FGGY: variants seen among roughly 807,000 people sequenced by gnomAD.
FGGY encodes FGGY carbohydrate kinase domain containing, also known as FGGY carbohydrate kinase domain-containing protein.
In FGGY, 72 loss-of-function variants were observed where a neutral mutation model predicts 71.3. The ratio of observed to expected loss-of-function variants is 1.01; its 90% CI spans 0.84 to 1.23. The LOEUF (loss-of-function observed/expected upper bound fraction) is 1.23, where lower values mean the gene tolerates loss of function less well. FGGY is among the 50% of genes most tolerant of loss of function. FGGY has a pLI of 0.00. For synonymous variants in FGGY, 251 were observed against 250.3 expected, an observed-to-expected ratio of 1.00 and a Z score of -0.02; for missense variants, 668 against 682.3, an observed-to-expected ratio of 0.98 and a Z score of 0.23.
intron 15 of FGGY, among the ~76,000 whole-genome samples, chr1:59,760,298 T>C (rs982037361): frequency 2.6e-5 from 4 of 152,134 alleles, no homozygotes; most frequent in Non-Finnish European, 5.9e-5. Flanking sequence ...AAACAACAAA[T>C]GTTGGCAAGG....
rs773189299 is a variant in FGGY at position 59,402,498 on chromosome 1, G to A, written c.554+23661G>A. ...CTGACATCATCTTGCCTGTTGCATA[G>A]TAGACATTTGGTAAAGATTTGTTGA... On this transcript the variant is annotated intron_variant, in intron 5 of 15. Coordinates refer to ENST00000303721, the MANE Select transcript of FGGY (RefSeq NM_018291.5). Among the ~76,000 whole-genome samples the A allele has an allele frequency of 3.3e-5, 5 of 152,184 alleles. No individual in the cohort carries two copies. The South Asian group carries it at 1.0e-3, about 31-fold the overall frequency.
intron 4 of FGGY, among the ~76,000 whole-genome samples, chr1:59,369,687 A>G (rs939437547): frequency 6.6e-6 from 1 of 152,194 alleles, no homozygotes; most frequent in African/African-American, 2.4e-5. Flanking sequence ...CTGACACCTC[A>G]CACGGCCGGA....
At chr1:59,411,121 A>G (rs932649584) in intron 5 of FGGY, among the ~76,000 whole-genome samples, 3 of 152,208 alleles carry the variant, frequency 2.0e-5, no homozygotes, top group African/African-American at 7.2e-5. Context: ...ATCACACAAT[A>G]CATTTACTAG....
chr1:59,667,925 T>C (rs1000660748), intron 13 of FGGY, among the ~76,000 whole-genome samples: 7 of 152,216 alleles, frequency 4.6e-5, no homozygotes, highest in African/African-American at 1.7e-4. Flanking sequence ...GCTCAGGGCG[T>C]GTGGTCTGGA....
chr1:59,481,058 T>C (rs754307625), intron 6 of FGGY, among the ~76,000 whole-genome samples: 2 of 125,106 alleles, frequency 1.6e-5, no homozygotes, highest in Admixed American at 8.4e-5. Flanking sequence ...GTACATTATA[T>C]ACAATTTATA....
At chr1:59,567,506 T>C (rs773639358) in intron 8 of FGGY, among the ~76,000 whole-genome samples, 1 of 152,062 alleles carries the variant, frequency 6.6e-6, no homozygotes, top group African/African-American at 2.4e-5. Flanking sequence ...GCTACCCAGG[T>C]ACTATTTGAC....
chr1:59,375,818 C>G (rs1571259341), intron 4 of FGGY, among the ~76,000 whole-genome samples: 1 of 150,858 alleles, frequency 6.6e-6, no homozygotes, highest in Non-Finnish European at 1.5e-5. Context: ...GGCTGTGTGG[C>G]TACAGGCTAA....
intron 5 of FGGY, among the ~76,000 whole-genome samples, chr1:59,412,187 C>T (rs759304558): frequency 6.6e-6 from 1 of 152,274 alleles, no homozygotes; most frequent in South Asian, 2.1e-4. Context: ...AGTACCTCAC[C>T]TCATGCTGCA....
intron 4 of FGGY, among the ~76,000 whole-genome samples, chr1:59,348,193 G>C (rs1557630948): frequency 1.3e-5 from 2 of 152,210 alleles, no homozygotes. Flanking sequence ...TTGGAGTTCA[G>C]AGAGGTTAAT....
chr1:59,536,616 A>G (rs913991655), intron 7 of FGGY, among the ~76,000 whole-genome samples: 2 of 152,174 alleles, frequency 1.3e-5, no homozygotes, highest in Non-Finnish European at 2.9e-5. Flanking sequence ...CAGCACATCA[A>G]AAAGCTTATC....
At chr1:59,590,522 T>C (rs1485658696) in intron 8 of FGGY, among the ~76,000 whole-genome samples, 2 of 152,068 alleles carry the variant, frequency 1.3e-5, no homozygotes, top group Non-Finnish European at 2.9e-5. Context: ...TGATGAACAT[T>C]GATGCAAAAA....
intron 6 of FGGY, among the ~76,000 whole-genome samples, chr1:59,473,858 G>T (rs1345900910): frequency 6.6e-6 from 1 of 152,202 alleles, no homozygotes; most frequent in Non-Finnish European, 1.5e-5. Flanking sequence ...AGCTGTTTGT[G>T]TGTCGGGGCA....
At chr1:59,620,791 T>TG (rs2096799129) in intron 9 of FGGY, among the ~76,000 whole-genome samples, 1 of 152,098 alleles carries the variant, frequency 6.6e-6, no homozygotes, top group Non-Finnish European at 1.5e-5. Context: ...CCTTCAACTG[T>TG]GTAGTTCTAC....
At chr1:59,320,897 T>C (rs2046266299) in intron 1 of FGGY, among the ~76,000 whole-genome samples, 1 of 152,224 alleles carries the variant, frequency 6.6e-6, no homozygotes, top group African/African-American at 2.4e-5. Context: ...GTGTAGTGTG[T>C]ATCATTATAA....
At chr1:59,462,491 C>T (rs1372444576) in intron 6 of FGGY, among the ~76,000 whole-genome samples, 1 of 152,048 alleles carries the variant, frequency 6.6e-6, no homozygotes, top group South Asian at 2.1e-4. Context: ...TTCTGGACAG[C>T]AAAAGAAACT....
At chr1:59,607,671 A>G in intron 8 of FGGY, 132 bp from the exon 9 acceptor site, 1 of 600,156 alleles carries the variant, frequency 1.7e-6, no homozygotes, top group Non-Finnish European at 2.9e-6. Context: ...TTCTTGGGAG[A>G]GAGTGACTTC....
At chr1:59,347,570 T>C (rs144610478) in intron 4 of FGGY, among the ~76,000 whole-genome samples, 3,710 of 152,272 alleles carry the variant, frequency 0.024, 172 homozygotes, top group African/African-American at 0.085. Flanking sequence ...CATGTGCATG[T>C]GTCTTTATAG....
chr1:59,396,577 A>G (rs2061351044), intron 5 of FGGY, among the ~76,000 whole-genome samples: 2 of 152,108 alleles, frequency 1.3e-5, no homozygotes, highest in African/African-American at 2.4e-5. Flanking sequence ...TCAAAGTTTG[A>G]TGTTATCGCA....
At chr1:59,545,871 T>C (rs2095512200) in intron 7 of FGGY, among the ~76,000 whole-genome samples, 1 of 152,210 alleles carries the variant, frequency 6.6e-6, no homozygotes, top group Non-Finnish European at 1.5e-5. Flanking sequence ...AATAAGCAGA[T>C]TTTGGTTTAT....
Sources: gnomAD v4.1 joint callset for allele counts (sites outside exome capture counted in the v4.1 genomes callset) on GRCh38, gnomAD v4.1.1 for gene constraint, MANE v1.5 for transcripts, NCBI Gene and HGNC (gene_info 2026-07-23, HGNC 2026-07-21) for gene names.